The following ERC2 variants were observed in gnomAD, a reference collection of about 807,000 sequenced individuals.
ERC2 encodes the protein ERC protein 2.
In ERC2, 42 loss-of-function variants were observed where a neutral mutation model predicts 114.8. The ratio of observed to expected loss-of-function variants is 0.37; its 90% confidence interval spans 0.29 to 0.47. The LOEUF (loss-of-function observed/expected upper bound fraction) is 0.47. ERC2 is among the 20% of genes least tolerant of loss of function. The pLI is 0.99. For missense variants in ERC2, 939 were observed against 1,150.7 expected, an observed-to-expected ratio of 0.82 and a Z score of 2.66; for synonymous variants, 454 against 425.5, an observed-to-expected ratio of 1.07 and a Z score of -0.82.
At chr3:55,907,134 A>T (rs992428576) in intron 13 of ERC2, among the ~76,000 whole-genome samples, 3 of 152,218 alleles carry the variant, frequency 2.0e-5, no homozygotes, top group African/African-American at 7.2e-5. Context: ...AGTAGTGGTG[A>T]TGTCACCTGT....
chr3:56,252,081 G>A (rs1416697978), intron 3 of ERC2, among the ~76,000 whole-genome samples: 1 of 152,124 alleles, frequency 6.6e-6, no homozygotes, highest in African/African-American at 2.4e-5. Flanking sequence ...GAGGCTGTAA[G>A]GTGCTCCCCC....
At chr3:56,026,646 A>G (rs1445899888) in intron 7 of ERC2, among the ~76,000 whole-genome samples, 1 of 152,206 alleles carries the variant, frequency 6.6e-6, no homozygotes, top group African/African-American at 2.4e-5. Context: ...ATTGAAATTT[A>G]CATACAGTTA....
chr3:56,163,036 C>T (rs1424162398), intron 4 of ERC2, among the ~76,000 whole-genome samples: 1 of 152,040 alleles, frequency 6.6e-6, no homozygotes, highest in African/African-American at 2.4e-5. Context: ...ACTGCTTTTG[C>T]TCTGTCCCAG....
Position 55,905,282 on chromosome 3 carries a change from T to C in ERC2, c.2404-16733A>G, listed in dbSNP as rs575419784. Among the ~76,000 whole-genome samples the C allele has an allele frequency of 1.1e-4, 17 of 152,294 alleles. No homozygotes were observed. In the South Asian group the frequency reaches 1.5e-3, roughly 13 times the overall value. On this transcript the variant is annotated intron_variant, in intron 13 of 17. Transcript: ENST00000288221. ...TTTTAGTAGAGATGGGGTTTCACCATGTTAGTCAGGTTGGTCTCGAACTCC... is the reference window on the plus strand; with the variant it reads ...TTTTAGTAGAGATGGGGTTTCACCACGTTAGTCAGGTTGGTCTCGAACTCC...
intron 12 of ERC2, among the ~76,000 whole-genome samples, chr3:55,958,190 A>AGCAGGTAGCTCCTGGCTACTCGTG (rs2068097581): frequency 6.6e-6 from 1 of 152,186 alleles, no homozygotes; most frequent in Non-Finnish European, 1.5e-5. Flanking sequence ...TTCAGCTCTC[A>AGCAGGTAGCTCCTGGCTACTCGTG]GCAGGTAGCT....
intron 12 of ERC2, among the ~76,000 whole-genome samples, chr3:55,955,385 C>A (rs1037638277): frequency 2.0e-5 from 3 of 152,124 alleles, no homozygotes; most frequent in African/African-American, 7.2e-5. Flanking sequence ...TGCCATCACC[C>A]TGCCTCATGG....
intron 5 of ERC2, among the ~76,000 whole-genome samples, chr3:56,144,377 C>G (rs2081028711): frequency 6.6e-6 from 1 of 152,206 alleles, no homozygotes; most frequent in South Asian, 2.1e-4. Flanking sequence ...ACACTCTTCT[C>G]AGGGGGGTAT....
chr3:55,887,613 T>C (rs2063409026), intron 14 of ERC2, among the ~76,000 whole-genome samples: 1 of 152,238 alleles, frequency 6.6e-6, no homozygotes, highest in African/African-American at 2.4e-5. Flanking sequence ...CCTATTGCAA[T>C]TGATATTTAT....
intron 2 of ERC2, among the ~76,000 whole-genome samples, chr3:56,380,389 T>C (rs2106710556): frequency 6.6e-6 from 1 of 152,252 alleles, no homozygotes; most frequent in East Asian, 1.9e-4. Context: ...CAGGGATTTG[T>C]GTGCTTTCCC....
At chr3:56,029,994 C>T (rs1035987663) in intron 7 of ERC2, among the ~76,000 whole-genome samples, 3 of 152,122 alleles carry the variant, frequency 2.0e-5, no homozygotes, top group Admixed American at 6.5e-5. Context: ...CTGCATCCCA[C>T]ACATTTTGAT....
chr3:56,349,864 G>A (rs1186451079), intron 2 of ERC2, among the ~76,000 whole-genome samples: 2 of 149,242 alleles, frequency 1.3e-5, no homozygotes, highest in Non-Finnish European at 3.0e-5. Context: ...AGTGAGCAGA[G>A]ACCACGCCAT....
At chr3:55,806,117 T>G (rs937963209) in intron 14 of ERC2, among the ~76,000 whole-genome samples, 4 of 152,050 alleles carry the variant, frequency 2.6e-5, no homozygotes, top group Non-Finnish European at 5.9e-5. Flanking sequence ...CGCAGATCAA[T>G]TGAGGTCAGG....
chr3:55,708,090 A>C (rs999408096), intron 15 of ERC2, among the ~76,000 whole-genome samples: 2 of 152,218 alleles, frequency 1.3e-5, no homozygotes, highest in African/African-American at 4.8e-5. Context: ...CATAGCTTTA[A>C]AGAAAAGCAG....
chr3:55,668,746 G>A (rs560398735), intron 17 of ERC2, among the ~76,000 whole-genome samples: 3 of 152,146 alleles, frequency 2.0e-5, no homozygotes, highest in Non-Finnish European at 2.9e-5. Flanking sequence ...TATAGATTAT[G>A]CAATATAAAG....
At chr3:56,066,615 T>TA (rs1405182650) in intron 7 of ERC2, among the ~76,000 whole-genome samples, 1 of 152,252 alleles carries the variant, frequency 6.6e-6, no homozygotes, top group Non-Finnish European at 1.5e-5. Flanking sequence ...GATGTCATCA[T>TA]AAAATCTTTG....
chr3:55,687,942 T>C (rs2062422894), intron 16 of ERC2, among the ~76,000 whole-genome samples: 1 of 152,216 alleles, frequency 6.6e-6, no homozygotes, highest in African/African-American at 2.4e-5. Flanking sequence ...ACTAGTAGGT[T>C]TTCTGCTAAG....
chr3:56,271,775 A>G (rs1393407333), intron 3 of ERC2, among the ~76,000 whole-genome samples: 1 of 152,146 alleles, frequency 6.6e-6, no homozygotes, highest in Admixed American at 6.5e-5. Context: ...TCCACCCTCA[A>G]GTAGGTCCCA....
At chr3:55,742,962 A>G (rs2066061676) in intron 14 of ERC2, among the ~76,000 whole-genome samples, 1 of 152,216 alleles carries the variant, frequency 6.6e-6, no homozygotes. Flanking sequence ...ACAGGGTGAG[A>G]TATATTTGAA....
At chr3:55,732,555 CTA>C (rs2065320104) in intron 15 of ERC2, among the ~76,000 whole-genome samples, 1 of 152,130 alleles carries the variant, frequency 6.6e-6, no homozygotes, top group South Asian at 2.1e-4. Flanking sequence ...AACTGAAGGA[CTA>C]TGCTCAATCC....
Sources: gnomAD v4.1 joint callset for allele counts (sites outside exome capture counted in the v4.1 genomes callset) on GRCh38, gnomAD v4.1.1 for gene constraint, MANE v1.5 for transcripts, NCBI Gene and HGNC (gene_info 2026-07-23, HGNC 2026-07-21) for gene names.